The following NRXN3 variants were observed in gnomAD, a reference collection of about 807,000 sequenced individuals.
NRXN3 encodes the protein neurexin III.
NRXN3 carries 32 observed loss-of-function variants against 137.6 expected under a neutral mutation model. The observed-to-expected ratio is 0.23, with a 90% CI of 0.18 to 0.31. The LOEUF is 0.31. Among genes scored for constraint, NRXN3 ranks in the 10% least tolerant of loss-of-function variants. The pLI is 1.00. For missense variants in NRXN3, 1,574 were observed against 2,062.5 expected, an observed-to-expected ratio of 0.76 and a Z score of 4.59; for synonymous variants, 798 against 784.5, an observed-to-expected ratio of 1.02 and a Z score of -0.29.
chr14:78,679,750 A>G (rs576275806), intron 6 of NRXN3, among the ~76,000 whole-genome samples: 69 of 152,298 alleles, frequency 4.5e-4, no homozygotes, highest in African/African-American at 1.5e-3. Context: ...TAAACTTCTG[A>G]GCATTCATTG....
intron 4 of NRXN3, among the ~76,000 whole-genome samples, chr14:78,444,352 G>A (rs2094350968): frequency 6.6e-6 from 1 of 152,146 alleles, no homozygotes; most frequent in Admixed American, 6.5e-5. Context: ...CCCAGCTCCT[G>A]TGTTTTTCTG....
Position 78,597,617 on chromosome 14 carries a change from C to G in NRXN3, c.758-47503C>G, listed in dbSNP as rs541342343. Among the ~76,000 whole-genome samples the G allele has an allele frequency of 7.9e-5, 12 of 152,266 alleles. No individual in the cohort carries two copies. In the South Asian group the frequency reaches 2.3e-3, roughly 29 times the overall value. ...AATCAGAATTCTCAGGGCCTTAGAT[C>G]CTCTGCCCGTGAAGCTGAGGTATTG... On this transcript the variant is annotated intron_variant, in intron 4 of 20. Transcript: ENST00000335750.
intron 15 of NRXN3, among the ~76,000 whole-genome samples, chr14:79,438,195 C>A (rs1036291257): frequency 1.3e-5 from 2 of 152,184 alleles, no homozygotes; most frequent in African/African-American, 4.8e-5. Flanking sequence ...TCTGGACTCC[C>A]CTTTCCCTCT....
intron 10 of NRXN3, among the ~76,000 whole-genome samples, chr14:78,892,216 C>A (rs188423041): frequency 1.3e-5 from 2 of 151,956 alleles, no homozygotes; most frequent in African/African-American, 4.8e-5. Flanking sequence ...GGCACAGGAA[C>A]GCTTTAATGT....
chr14:78,235,987 G>A (rs1242024621), intron 1 of NRXN3, among the ~76,000 whole-genome samples: 1 of 152,142 alleles, frequency 6.6e-6, no homozygotes, highest in African/African-American at 2.4e-5. Context: ...TTTGACTTGG[G>A]GAACTGTAAG....
chr14:78,366,495 A>C (rs1555492026), intron 4 of NRXN3, among the ~76,000 whole-genome samples: 1 of 152,230 alleles, frequency 6.6e-6, no homozygotes, highest in Non-Finnish European at 1.5e-5. Context: ...TAATTCCACT[A>C]TTCAGACACA....
intron 15 of NRXN3, among the ~76,000 whole-genome samples, chr14:79,102,748 A>G (rs1453336553): frequency 6.6e-6 from 1 of 152,198 alleles, no homozygotes; most frequent in Non-Finnish European, 1.5e-5. Context: ...GGAAGATTAT[A>G]TCAGGCCAAT....
chr14:79,456,614 C>G (rs553811804), intron 15 of NRXN3, among the ~76,000 whole-genome samples: 2 of 151,974 alleles, frequency 1.3e-5, no homozygotes, highest in South Asian at 2.1e-4. Flanking sequence ...GTAATCCCAG[C>G]TACTCTGGAG....
At chr14:79,333,030 C>A (rs999070136) in intron 15 of NRXN3, among the ~76,000 whole-genome samples, 1 of 152,082 alleles carries the variant, frequency 6.6e-6, no homozygotes, top group Non-Finnish European at 1.5e-5. Flanking sequence ...CTCCCCTGCA[C>A]CCCCCTGCTG....
intron 11 of NRXN3, among the ~76,000 whole-genome samples, chr14:78,965,105 G>C (rs189326832): frequency 2.3e-4 from 35 of 152,214 alleles, no homozygotes; most frequent in Admixed American, 5.2e-4. Flanking sequence ...GGGACTCAAA[G>C]CTTTCTTCTT....
At chr14:78,612,054 G>A (rs1234393090) in intron 4 of NRXN3, among the ~76,000 whole-genome samples, 1 of 152,160 alleles carries the variant, frequency 6.6e-6, no homozygotes, top group East Asian at 1.9e-4. Flanking sequence ...GGGGCATTTT[G>A]GTGGCCAACA....
intron 17 of NRXN3, among the ~76,000 whole-genome samples, chr14:79,665,526 C>A (rs1171022926): frequency 6.6e-6 from 1 of 152,088 alleles, no homozygotes; most frequent in Admixed American, 6.6e-5. Flanking sequence ...TAAAAGCAGT[C>A]CAGTATCTTA....
chr14:78,405,752 G>A (rs1302480867), intron 4 of NRXN3, among the ~76,000 whole-genome samples: 2 of 152,128 alleles, frequency 1.3e-5, no homozygotes, highest in Non-Finnish European at 1.5e-5. Flanking sequence ...GGAGCTGGGG[G>A]ACACATTCAT....
intron 4 of NRXN3, among the ~76,000 whole-genome samples, chr14:78,402,363 T>C (rs1027634930): frequency 1.3e-5 from 2 of 152,216 alleles, no homozygotes; most frequent in African/African-American, 4.8e-5. Context: ...CTAAGTGGAT[T>C]GATGGGTCTT....
intron 6 of NRXN3, among the ~76,000 whole-genome samples, chr14:78,699,466 C>G (rs2098258663): frequency 6.6e-6 from 1 of 152,146 alleles, no homozygotes; most frequent in Non-Finnish European, 1.5e-5. Flanking sequence ...CAATTTTAAG[C>G]AGAGAATGAC....
In NRXN3 at chr14:78,385,677, G is replaced by A. The variant is rs147715297; in HGVS notation, c.757+87817G>A. 1.8e-3 allele frequency among the ~76,000 whole-genome samples: 270 copies of A among 152,306 alleles called. 1 individual carries two copies. Among genetic ancestry groups the A allele is most frequent in the Non-Finnish European group, 3.2e-3 (215 of 68,020 alleles). On this transcript the variant is annotated intron_variant, in intron 4 of 20. Coordinates refer to ENST00000335750, the MANE Select transcript of NRXN3 (RefSeq NM_001330195.2). ...GAAAGGATTCACTATTTTGGATGACGTTTGGCTTAGTGCAGATGTTTAAAT... is the reference window on the plus strand; with the variant it reads ...GAAAGGATTCACTATTTTGGATGACATTTGGCTTAGTGCAGATGTTTAAAT...
intron 11 of NRXN3, among the ~76,000 whole-genome samples, chr14:78,958,152 T>C (rs2099400463): frequency 6.6e-6 from 1 of 152,032 alleles, no homozygotes; most frequent in African/African-American, 2.4e-5. Flanking sequence ...CCAAAATATA[T>C]AATGAGATTC....
intron 4 of NRXN3, among the ~76,000 whole-genome samples, chr14:78,553,258 A>G (rs1019570308): frequency 5.9e-5 from 9 of 152,198 alleles, no homozygotes; most frequent in Non-Finnish European, 8.8e-5. Flanking sequence ...CATTTCAACC[A>G]TACTGTATTG....
At chr14:78,903,084 G>T (rs1022667261) in intron 10 of NRXN3, among the ~76,000 whole-genome samples, 1 of 150,310 alleles carries the variant, frequency 6.7e-6, no homozygotes, top group Non-Finnish European at 1.5e-5. Context: ...ACATTGCCTT[G>T]GTCATTCCCT....
Sources: gnomAD v4.1 joint callset for allele counts (sites outside exome capture counted in the v4.1 genomes callset) on GRCh38, gnomAD v4.1.1 for gene constraint, MANE v1.5 for transcripts, NCBI Gene and HGNC (gene_info 2026-07-23, HGNC 2026-07-21) for gene names.